Variants in MYH8 observed in about 807,000 individuals in gnomAD.
The protein encoded by MYH8 is myosin-8.
A neutral mutation model predicts 233.2 loss-of-function variants in MYH8; 168 were observed. The ratio of observed to expected loss-of-function variants is 0.72; its 90% CI spans 0.64 to 0.82. The LOEUF (loss-of-function observed/expected upper bound fraction) is 0.82, where lower values mean the gene tolerates loss of function less well. Among genes scored for constraint, MYH8 ranks in the 40% least tolerant of loss-of-function variants. The pLI, the probability that MYH8 is intolerant of heterozygous loss-of-function variation, is 0.00. For synonymous variants in MYH8, 785 were observed against 850.6 expected (o/e 0.92, Z 1.34); for missense variants, 1,995 against 2,327.8 (o/e 0.86, Z 2.94).
chr17:10,409,435 A>G lies in MYH8; in HGVS notation c.1741T>C (p.Ser581Pro). 2 of 1,614,190 alleles carry G rather than the reference A, an allele frequency of 1.2e-6. No homozygotes were observed. The highest frequency in any genetic ancestry group is 2.7e-5 in the African/African-American group (2 of 75,054). Residue 581 changes from serine (S) to proline (P), a missense_variant, in exon 16 of 40, where the codon TCT becomes CCT. Coordinates refer to ENST00000403437, the MANE Select transcript of MYH8 (RefSeq NM_002472.3). ...ACAGTGCCAGCATAGTGAATCAGAG[A>G]GAAGTGGGCCTCAGCCTTGCCTTTG... is the stretch of plus-strand genomic sequence containing the variant. ...VVKGKAEAHF[S>P]LIHYAGTVDY...
chr17:10,399,566 C>T lies in MYH8; in HGVS notation c.3839G>A (p.Arg1280Lys). ...QRLINDLTAQ[R>K]ARLQTEAGEY... ...ACCCGCTTCTGTCTGCAGGCGCGCT[C>T]TCTGTGCTGTGAGGTCATTGATCAG... is the stretch of plus-strand genomic sequence containing the variant. Residue 1280 changes from arginine to lysine, a missense_variant, in exon 28 of 40, where the codon AGA becomes AAA. Arg to Lys is a conservative substitution (Grantham distance 26). Coordinates refer to ENST00000403437, the MANE Select transcript of MYH8 (RefSeq NM_002472.3). 6.2e-7 allele frequency: 1 copy of T among 1,613,840 alleles called. No individual in the cohort carries two copies. The highest frequency in any genetic ancestry group is 2.2e-5 in the East Asian group (1 of 44,880).
rs2072058202 is a variant in MYH8, at chr17:10,394,233, G to C, written c.5166+16C>G. The C allele has an allele frequency of 6.2e-7, 1 of 1,613,700 alleles. No individual in the cohort carries two copies. The highest frequency in any genetic ancestry group is 1.3e-5 in the African/African-American group (1 of 74,844). ...GCTACCAGTACACCAGCATTTGTTTGATGTGAGGGTCTCACCTGGGTGTGG... is the reference window on the plus strand; with the variant it reads ...GCTACCAGTACACCAGCATTTGTTTCATGTGAGGGTCTCACCTGGGTGTGG... On this transcript the variant is annotated intron_variant, in intron 35 of 39. Transcript: ENST00000403437.
In MYH8 at chr17:10,390,415, G is replaced by T; in HGVS notation, c.*39C>A. On this transcript the variant is annotated 3_prime_UTR_variant, in exon 40 of 40. Coordinates refer to ENST00000403437, the MANE Select transcript of MYH8 (RefSeq NM_002472.3). ...AGTGACCAAAAATAGCACATTTTGT[G>T]CCTTTCTTCAGCCTCTTGATAGCAT... is the stretch of plus-strand genomic sequence containing the variant. 1 of 1,611,960 alleles carries T rather than the reference G, an allele frequency of 6.2e-7. No homozygotes were observed.
At chr17:10,405,642 T>A (rs2072186104) in intron 21 of MYH8, among the ~76,000 whole-genome samples, 1 of 152,016 alleles carries the variant, frequency 6.6e-6, no homozygotes, top group South Asian at 2.1e-4. Context: ...ATAGATAAAT[T>A]AGGATGAGGG....
rs1597404366 is a variant in MYH8 at position 10,413,845 on chromosome 17, G to T, written c.1147+57C>A. ...ACAAAGGAGATGTGAGTGTAAAATAGGATTTTTTTTTTTGCTACATTCTCT... is the reference window on the plus strand; with the variant it reads ...ACAAAGGAGATGTGAGTGTAAAATATGATTTTTTTTTTTGCTACATTCTCT... On this transcript the variant is annotated intron_variant, in intron 12 of 39. Transcript: ENST00000403437. The T allele has an allele frequency of 1.9e-5, 30 of 1,611,234 alleles. No homozygotes were observed. In the East Asian group the frequency reaches 6.7e-4, roughly 36 times the overall value.
chr17:10,417,038 C>A lies in MYH8; in HGVS notation c.512-1330G>T, dbSNP rs539823678. Among the ~76,000 whole-genome samples the A allele has an allele frequency of 6.6e-6, 1 of 152,210 alleles. No homozygotes were observed. The highest frequency in any genetic ancestry group is 6.5e-5 in the Admixed American group (1 of 15,298). On this transcript the variant is annotated intron_variant, in intron 5 of 39. Coordinates refer to ENST00000403437, the MANE Select transcript of MYH8 (RefSeq NM_002472.3). The surrounding 1 kb of genome is among the most constrained non-coding windows in gnomAD (Gnocchi z 4.1). ...TCAAATATATCCTCCTGGCCTCTTC[C>A]CAGCTTTTGATGTCACTAGTTTGAC... is the stretch of plus-strand genomic sequence containing the variant.
rs1214309146 is a variant in MYH8 at position 10,401,356 on chromosome 17, G to C, written c.3027C>G (p.Thr1009=). ...CCTCCTCTGCCTGCAGGTCATCCAGGGTCTGCTGGTGGGTCTCTTGGAGAG... is the reference window on the plus strand; with the variant it reads ...CCTCCTCTGCCTGCAGGTCATCCAGCGTCTGCTGGTGGGTCTCTTGGAGAG... ...KKALQETHQQ[T]LDDLQAEEDK... The change falls in exon 24 of 40, where the codon ACC becomes ACG. Residue 1009 remains threonine (T), a synonymous_variant. Coordinates refer to ENST00000403437, the MANE Select transcript of MYH8 (RefSeq NM_002472.3). 6.2e-7 allele frequency: 1 copy of C among 1,613,976 alleles called. No individual in the cohort carries two copies. Among genetic ancestry groups the C allele is most frequent in the Non-Finnish European group, 8.5e-7 (1 of 1,180,018 alleles).
At chr17:10,395,043 GA>G in intron 34 of MYH8, 89 bp downstream of exon 34, 4 of 1,434,852 alleles carry the variant, frequency 2.8e-6, no homozygotes, top group South Asian at 1.2e-5. Context: ...TTTGTTAAGA[GA>G]AAAAAAGGAT....
At chr17:10,409,631 C>T (rs1597402948) in intron 15 of MYH8, 43 bp from the exon 16 acceptor site, 1 of 1,609,350 alleles carries the variant, frequency 6.2e-7, no homozygotes, top group Non-Finnish European at 8.5e-7. Context: ...TAACTTCTCT[C>T]AAAAGATAGA....
intron 2 of MYH8, 114 bp from the exon 3 acceptor site, chr17:10,420,371 A>C: frequency 1.1e-6 from 1 of 927,216 alleles, no homozygotes; most frequent in Non-Finnish European, 1.7e-6. Flanking sequence ...CTATTCCTCC[A>C]AACTGGCACT....
chr17:10,400,411 T>C lies in MYH8; in HGVS notation c.3714A>G (p.Ala1238=), dbSNP rs778493153. 5.0e-6 allele frequency: 8 copies of C among 1,613,676 alleles called. No homozygotes were observed. Among genetic ancestry groups the C allele is most frequent in the Non-Finnish European group, 5.9e-6 (7 of 1,179,940 alleles). Reference sequence around the variant, plus strand: ...GTACCTTGGCTTTGGAAATGGCCTCTGCGTTACTGCTGAGGTCATCAGTCT... The same window carrying C: ...GTACCTTGGCTTTGGAAATGGCCTCCGCGTTACTGCTGAGGTCATCAGTCT... The part of the protein sequence containing the change: ...KMETDDLSSN[A]EAISKAKGNL... The change falls in exon 27 of 40, where the codon GCA becomes GCG. Residue 1238 remains alanine, a synonymous_variant. Transcript: ENST00000403437. The surrounding 1 kb of genome is among the most constrained non-coding windows in gnomAD (Gnocchi z 4.0).
chr17:10,406,837 G>A (rs966693626), intron 18 of MYH8, 30 bp from the exon 19 acceptor site: 5 of 1,612,712 alleles, frequency 3.1e-6, no homozygotes, highest in Non-Finnish European at 4.2e-6. Flanking sequence ...CTTATTAGTG[G>A]GCATTTAACT....
In MYH8 at chr17:10,401,692, T is replaced by C; in HGVS notation, c.2782A>G (p.Arg928Gly). 6.2e-7 allele frequency: 1 copy of C among 1,614,192 alleles called. No homozygotes were observed. The highest frequency in any genetic ancestry group is 8.5e-7 in the Non-Finnish European group (1 of 1,180,044). The change falls in exon 23 of 40, where the codon AGA becomes GGA. Residue 928 changes from arginine (R) to glycine (G), a missense_variant. Transcript: ENST00000403437. ...TTGATCTCTTCCTCCTCCTCAGCTC[T>C]TTCAGTCACCTCTTTGATTTTGGCC... ...LEAKIKEVTE[R>G]AEEEEEINAE...
At position 10,417,920 on chromosome 17, in the gene MYH8, A is replaced by G. The variant is rs1327524230; in HGVS notation, c.511+725T>C. Among the ~76,000 whole-genome samples, 1 of 152,222 alleles carries G rather than the reference A, an allele frequency of 6.6e-6. No individual in the cohort carries two copies. Among genetic ancestry groups the G allele is most frequent in the East Asian group, 1.9e-4 (1 of 5,192 alleles). On this transcript the variant is annotated intron_variant, in intron 5 of 39. Transcript: ENST00000403437. This position sits in a 1 kb window ranked among gnomAD's most constrained non-coding sequence, Gnocchi z 4.1. ...CACCTTAGTTTCCAAAATTCCATGG[A>G]ACAACAGGAAACTCAGGAATAGAAA...
chr17:10,395,222 G>T lies in MYH8; in HGVS notation c.4873C>A (p.Leu1625Met). 1 of 1,614,106 alleles carries T rather than the reference G, an allele frequency of 6.2e-7. No homozygotes were observed. ...LRVKKKMEGDLNEMEIQLNHA... is the reference protein window; with the variant it reads ...LRVKKKMEGDMNEMEIQLNHA... ...TTCAGCTGGATTTCCATTTCATTCA[G>T]ATCTCCTTCCATTTTCTTCTTGACT... is the stretch of plus-strand genomic sequence containing the variant. The change falls in exon 34 of 40, where the codon CTG (leucine) becomes ATG (methionine). Residue 1625 changes from leucine to methionine, a missense_variant. Transcript: ENST00000403437.
At chr17:10,394,077 A>G (rs1267437664) in intron 35 of MYH8, among the ~76,000 whole-genome samples, 172 bp downstream of exon 35, 1 of 151,462 alleles carries the variant, frequency 6.6e-6, no homozygotes, top group African/African-American at 2.4e-5. Context: ...AAAACAAAAA[A>G]AAATCACCCA....
intron 28 of MYH8, among the ~76,000 whole-genome samples, chr17:10,399,339 C>T (rs1299278079): frequency 2.6e-5 from 4 of 151,874 alleles, no homozygotes; most frequent in South Asian, 2.1e-4. Context: ...TGGTTAGAAC[C>T]GGAGATTTAA....
At chr17:10,411,065 C>T in intron 14 of MYH8, 118 bp from the exon 15 acceptor site, 1 of 1,532,522 alleles carries the variant, frequency 6.5e-7, no homozygotes, top group South Asian at 1.2e-5. Context: ...ACAGTTAAAA[C>T]TAACGTTGCT....
chr17:10,390,726 T>G, intron 39 of MYH8, 123 bp from the exon 40 acceptor site: 1 of 1,139,034 alleles, frequency 8.8e-7, no homozygotes, highest in Non-Finnish European at 1.3e-6. Flanking sequence ...ATATCCGACT[T>G]TAAATCTAAA....
Sources: gnomAD v4.1 joint callset for allele counts (sites outside exome capture counted in the v4.1 genomes callset) on GRCh38, gnomAD v4.1.1 for gene constraint, Gnocchi (gnomAD v3.1) non-coding constraint, MANE v1.5 for transcripts, NCBI Gene and HGNC (gene_info 2026-07-23, HGNC 2026-07-21) for gene names.